The following DCC variants were observed in gnomAD, a reference collection of about 807,000 sequenced individuals.
DCC encodes DCC netrin 1 receptor.
DCC carries 58 observed loss-of-function variants against 172.5 expected under a neutral mutation model. The ratio of observed to expected loss-of-function variants is 0.34; its 90% CI spans 0.27 to 0.42. The LOEUF is 0.42. DCC is among the 10% of genes least tolerant of loss of function. The probability of loss-of-function intolerance (pLI) is 1.00; values close to 1 mark genes in which losing one functional copy is unlikely to be tolerated. For synonymous variants in DCC, 709 were observed against 644.5 expected (o/e 1.10, Z -1.52); for missense variants, 1,740 against 1,791.0 (o/e 0.97, Z 0.51).
intron 1 of DCC, among the ~76,000 whole-genome samples, chr18:52,511,516 A>G (rs553535870): frequency 1.3e-5 from 2 of 152,272 alleles, no homozygotes; most frequent in South Asian, 2.1e-4. Context: ...CCCCAGGGAC[A>G]GTTGGCAATT....
Position 52,578,369 on chromosome 18 carries a change from A to C in DCC, c.92-173685A>C, listed in dbSNP as rs1298771358. Among the ~76,000 whole-genome samples the C allele has an allele frequency of 2.0e-5, 3 of 152,248 alleles. No individual in the cohort carries two copies. The East Asian group carries it at 5.8e-4, about 29-fold the overall frequency. ...ATTTTGCCCACATGTATCACTGAGC[A>C]GAGGGAGTCAAACGTACGCTGCATG... On this transcript the variant is annotated intron_variant, in intron 1 of 28. Coordinates refer to ENST00000442544, the MANE Select transcript of DCC (RefSeq NM_005215.4).
chr18:52,407,541 A>C (rs60964807), intron 1 of DCC, among the ~76,000 whole-genome samples: 5,296 of 151,986 alleles, frequency 0.035, 164 homozygotes, highest in African/African-American at 0.078. Context: ...GCCTCTTAAA[A>C]TTATTCTTTA....
At chr18:52,488,003 A>G (rs1423381570) in intron 1 of DCC, among the ~76,000 whole-genome samples, 1 of 152,072 alleles carries the variant, frequency 6.6e-6, no homozygotes. Flanking sequence ...GATGATGGCA[A>G]AGCATGTCAT....
chr18:52,492,034 G>A (rs922574211), intron 1 of DCC, among the ~76,000 whole-genome samples: 2 of 151,928 alleles, frequency 1.3e-5, no homozygotes, highest in African/African-American at 4.8e-5. Context: ...GAAATATCAA[G>A]GGCCACGGAT....
chr18:52,474,093 A>G (rs1363967521), intron 1 of DCC, among the ~76,000 whole-genome samples: 1 of 152,176 alleles, frequency 6.6e-6, no homozygotes, highest in Admixed American at 6.5e-5. Context: ...TTTTAAGGAT[A>G]AATCATATTG....
intron 7 of DCC, among the ~76,000 whole-genome samples, chr18:53,076,824 A>G (rs1413327823): frequency 6.6e-5 from 10 of 152,154 alleles, no homozygotes; most frequent in Non-Finnish European, 1.3e-4. Context: ...GGAGCTCAGC[A>G]TGTGTCTCTG....
At chr18:52,760,362 C>T (rs551693975) in intron 2 of DCC, among the ~76,000 whole-genome samples, 3 of 152,244 alleles carry the variant, frequency 2.0e-5, no homozygotes, top group East Asian at 3.9e-4. Flanking sequence ...TCCCACAACA[C>T]GTGGGGATTA....
intron 2 of DCC, among the ~76,000 whole-genome samples, chr18:52,827,675 C>G (rs968949468): frequency 6.6e-6 from 1 of 152,234 alleles, no homozygotes; most frequent in African/African-American, 2.4e-5. Flanking sequence ...AATAGCTCTT[C>G]TACTACTATT....
chr18:53,030,786 C>G (rs1223098537), intron 5 of DCC, among the ~76,000 whole-genome samples: 4 of 152,122 alleles, frequency 2.6e-5, no homozygotes, highest in African/African-American at 9.7e-5. Context: ...GGGGCCTAGG[C>G]CTACTAACAG....
chr18:52,986,727 TAC>T (rs979030328), intron 5 of DCC, among the ~76,000 whole-genome samples: 4 of 151,854 alleles, frequency 2.6e-5, no homozygotes, highest in Admixed American at 6.6e-5. Context: ...GCTATATATA[TAC>T]ACACACACAT....
intron 1 of DCC, among the ~76,000 whole-genome samples, chr18:52,497,280 A>AAAAATATAT (rs1555689730): frequency 1.9e-4 from 4 of 21,572 alleles, no homozygotes; most frequent in Non-Finnish European, 3.2e-4. Flanking sequence ...AAAAAAAAAA[A>AAAAATATAT]ATATATATAT....
intron 12 of DCC, among the ~76,000 whole-genome samples, chr18:53,272,977 A>G (rs2056765451): frequency 6.6e-6 from 1 of 152,166 alleles, no homozygotes; most frequent in African/African-American, 2.4e-5. Context: ...TGAGAAAAGA[A>G]CACAATTATT....
chr18:52,926,809 ATGTGTG>A (rs578166217), intron 5 of DCC, among the ~76,000 whole-genome samples: 2 of 141,538 alleles, frequency 1.4e-5, no homozygotes, highest in Non-Finnish European at 3.1e-5. Flanking sequence ...ACATATACAT[ATGTGTG>A]TGTATATATA....
At chr18:52,991,448 A>G (rs1568232016) in intron 5 of DCC, among the ~76,000 whole-genome samples, 1 of 152,160 alleles carries the variant, frequency 6.6e-6, no homozygotes, top group African/African-American at 2.4e-5. Context: ...GAGTAATAGC[A>G]GATTTGGTTG....
At chr18:53,047,257 T>G (rs1367176332) in intron 5 of DCC, among the ~76,000 whole-genome samples, 8 of 11,612 alleles carry the variant, frequency 6.9e-4, no homozygotes, top group Non-Finnish European at 1.2e-3. Context: ...TATATATATA[T>G]ATATATATAT....
chr18:53,454,209 G>A (rs928208302), intron 23 of DCC, among the ~76,000 whole-genome samples: 1 of 152,148 alleles, frequency 6.6e-6, no homozygotes, highest in Admixed American at 6.5e-5. Flanking sequence ...GCCAGATATG[G>A]TGGTGCTTAC....
intron 2 of DCC, among the ~76,000 whole-genome samples, chr18:52,761,754 C>T (rs1211446438): frequency 1.3e-5 from 2 of 151,678 alleles, no homozygotes; most frequent in African/African-American, 4.8e-5. Flanking sequence ...AAAGCGCTTC[C>T]ACTGAAAAAC....
At chr18:53,031,261 T>C (rs888950788) in intron 5 of DCC, among the ~76,000 whole-genome samples, 2 of 152,110 alleles carry the variant, frequency 1.3e-5, no homozygotes, top group Non-Finnish European at 2.9e-5. Context: ...TCTCTCTCAA[T>C]AAAATAAAAT....
chr18:53,320,833 A>T (rs2144823806), intron 13 of DCC, among the ~76,000 whole-genome samples: 1 of 152,362 alleles, frequency 6.6e-6, no homozygotes, highest in Middle Eastern at 3.4e-3. Context: ...AACAAAGATA[A>T]GAGCACCAAT....
Sources: gnomAD v4.1 joint callset for allele counts (sites outside exome capture counted in the v4.1 genomes callset) on GRCh38, gnomAD v4.1.1 for gene constraint, MANE v1.5 for transcripts, NCBI Gene and HGNC (gene_info 2026-07-23, HGNC 2026-07-21) for gene names.